The following MGMT variants were observed in gnomAD, a reference collection of about 807,000 sequenced individuals.
MGMT encodes methylated-DNA--protein-cysteine methyltransferase.
In MGMT, 14 loss-of-function variants were observed where a neutral mutation model predicts 15.9. The ratio of observed to expected loss-of-function variants is 0.88; its 90% confidence interval spans 0.58 to 1.37. MGMT has a LOEUF of 1.37. MGMT is among the 40% of genes most tolerant of loss of function. MGMT has a pLI of 0.00. For missense variants in MGMT, 282 were observed against 268.1 expected (o/e 1.05, Z -0.36); for synonymous variants, 130 against 118.2 (o/e 1.10, Z -0.65).
At chr10:129,722,638 A>C (rs1294506081) in intron 3 of MGMT, among the ~76,000 whole-genome samples, 1 of 152,156 alleles carries the variant, frequency 6.6e-6, no homozygotes, top group Non-Finnish European at 1.5e-5. Context: ...AGAACAGTGC[A>C]ACAGAGAGAG....
At chr10:129,756,982 C>T (rs748330357) in intron 3 of MGMT, among the ~76,000 whole-genome samples, 10 of 152,256 alleles carry the variant, frequency 6.6e-5, no homozygotes, top group Non-Finnish European at 7.3e-5. Flanking sequence ...TGTGATTCTG[C>T]ACAGGCTAGG....
chr10:129,557,849 A>G (rs1846231362), intron 2 of MGMT, among the ~76,000 whole-genome samples: 1 of 152,214 alleles, frequency 6.6e-6, no homozygotes. Context: ...TAATCAATGC[A>G]TATTTGGGAA....
intron 1 of MGMT, among the ~76,000 whole-genome samples, chr10:129,505,324 A>G (rs1368993094): frequency 6.6e-6 from 1 of 152,242 alleles, no homozygotes; most frequent in African/African-American, 2.4e-5. Flanking sequence ...TGTAAAAATG[A>G]AAGTATAATA....
chr10:129,746,071 T>TA (rs201738647), intron 3 of MGMT, among the ~76,000 whole-genome samples: 2,867 of 151,644 alleles, frequency 0.019, 38 homozygotes, highest in Non-Finnish European at 0.029. Context: ...CTGTCTCTAC[T>TA]AAAAAAATAC....
chr10:129,697,948 T>C (rs1465866301), intron 2 of MGMT, among the ~76,000 whole-genome samples: 1 of 152,230 alleles, frequency 6.6e-6, no homozygotes, highest in South Asian at 2.1e-4. Flanking sequence ...TCAGGTTTCC[T>C]TGGAAAACTC....
Position 129,766,913 on chromosome 10 carries a change from C to G in MGMT, c.540C>G (p.Gly180=), listed in dbSNP as rs758596419. 2.5e-6 allele frequency: 4 copies of G among 1,613,466 alleles called. No homozygotes were observed. Among genetic ancestry groups the G allele is most frequent in the Non-Finnish European group, 3.4e-6 (4 of 1,180,004 alleles). ...AAGGCCACCGGTTGGGGAAGCCAGG[C>G]TTGGGAGGGAGCTCAGGTCTGGCAG... ...AHEGHRLGKP[G]LGGSSGLAGA... Residue 180 remains glycine (G), a synonymous_variant, in exon 5 of 5, where the codon GGC becomes GGG. Transcript: ENST00000651593.
At chr10:129,709,982 T>TC (rs1043159885) in intron 3 of MGMT, among the ~76,000 whole-genome samples, 2 of 152,160 alleles carry the variant, frequency 1.3e-5, no homozygotes, top group African/African-American at 4.8e-5. Flanking sequence ...CTGAGCCTTT[T>TC]CCCCCTCACT....
chr10:129,567,823 T>C (rs1564854962), intron 2 of MGMT, among the ~76,000 whole-genome samples: 1 of 152,240 alleles, frequency 6.6e-6, no homozygotes. Context: ...AAACAGTATA[T>C]GAAGACCATA....
intron 1 of MGMT, among the ~76,000 whole-genome samples, chr10:129,487,948 C>T (rs1478692982): frequency 4.2e-5 from 6 of 143,746 alleles, no homozygotes; most frequent in African/African-American, 1.6e-4. Context: ...TATATATACA[C>T]ACACAAACAC....
intron 1 of MGMT, among the ~76,000 whole-genome samples, chr10:129,494,785 T>C (rs1158815076): frequency 6.6e-6 from 1 of 152,246 alleles, no homozygotes; most frequent in Non-Finnish European, 1.5e-5. Context: ...TTAGAGTCTA[T>C]TCTAATCCTG....
intron 1 of MGMT, among the ~76,000 whole-genome samples, chr10:129,488,013 A>AGG (rs1564832160): frequency 8.0e-6 from 1 of 124,590 alleles, no homozygotes; most frequent in African/African-American, 2.9e-5. Flanking sequence ...ATACACACAC[A>AGG]CACACACACA....
At chr10:129,498,642 T>G (rs1269516754) in intron 1 of MGMT, among the ~76,000 whole-genome samples, 1 of 152,232 alleles carries the variant, frequency 6.6e-6, no homozygotes, top group Non-Finnish European at 1.5e-5. Flanking sequence ...CTCTTGGGTT[T>G]GGCTCCTATG....
At chr10:129,523,447 A>G (rs1051173020) in intron 1 of MGMT, among the ~76,000 whole-genome samples, 1 of 152,176 alleles carries the variant, frequency 6.6e-6, no homozygotes, top group Non-Finnish European at 1.5e-5. Context: ...CAAGTGTAGT[A>G]TGATTCAATC....
At chr10:129,719,030 G>T (rs1428798979) in intron 3 of MGMT, among the ~76,000 whole-genome samples, 1 of 151,158 alleles carries the variant, frequency 6.6e-6, no homozygotes, top group South Asian at 2.1e-4. Context: ...GTCTAGAGCC[G>T]GTCCGTCTGC....
chr10:129,652,070 G>T (rs1363167181), intron 2 of MGMT, among the ~76,000 whole-genome samples: 1 of 152,192 alleles, frequency 6.6e-6, no homozygotes, highest in Non-Finnish European at 1.5e-5. Context: ...TCGGAAGCCG[G>T]GGTTTGTGGG....
At chr10:129,615,714 C>T (rs1277503734) in intron 2 of MGMT, among the ~76,000 whole-genome samples, 1 of 152,132 alleles carries the variant, frequency 6.6e-6, no homozygotes, top group Non-Finnish European at 1.5e-5. Flanking sequence ...GCATCTGTGT[C>T]TCTGGGCACC....
intron 1 of MGMT, among the ~76,000 whole-genome samples, chr10:129,508,084 TC>T (rs1034485590): frequency 1.3e-5 from 2 of 152,160 alleles, no homozygotes; most frequent in African/African-American, 4.8e-5. Context: ...TGGGTGGGGC[TC>T]CCTAATTCTT....
At chr10:129,707,071 G>C (rs1395197681) in intron 2 of MGMT, among the ~76,000 whole-genome samples, 3 of 152,082 alleles carry the variant, frequency 2.0e-5, no homozygotes, top group Non-Finnish European at 4.4e-5. Context: ...AGACCAGCCT[G>C]GCCAACGTGA....
At chr10:129,660,324 G>C (rs1194728235) in intron 2 of MGMT, among the ~76,000 whole-genome samples, 1 of 152,072 alleles carries the variant, frequency 6.6e-6, no homozygotes, top group Non-Finnish European at 1.5e-5. Flanking sequence ...CCTGTGGTCT[G>C]TCTCAGGGGT....
Sources: gnomAD v4.1 joint callset for allele counts (sites outside exome capture counted in the v4.1 genomes callset) on GRCh38, gnomAD v4.1.1 for gene constraint, MANE v1.5 for transcripts, NCBI Gene and HGNC (gene_info 2026-07-23, HGNC 2026-07-21) for gene names.